The following CAMTA1 variants were observed in gnomAD, a reference collection of about 807,000 sequenced individuals.
The protein encoded by CAMTA1 is calmodulin-binding transcription activator 1.
In CAMTA1, 27 loss-of-function variants were observed where a neutral mutation model predicts 170.9. The observed-to-expected ratio is 0.16, with a 90% CI of 0.12 to 0.22. CAMTA1 has a LOEUF of 0.22. CAMTA1 is among the 10% of genes least tolerant of loss of function. CAMTA1 has a pLI of 1.00. For synonymous variants in CAMTA1, 833 were observed against 891.5 expected, an observed-to-expected ratio of 0.93 and a Z score of 1.17; for missense variants, 1,619 against 2,217.2, an observed-to-expected ratio of 0.73 and a Z score of 5.42.
chr1:7,083,757 A>G (rs756650720), intron 3 of CAMTA1, among the ~76,000 whole-genome samples: 4 of 152,228 alleles, frequency 2.6e-5, no homozygotes, highest in Admixed American at 6.5e-5. Context: ...ATTGGTTAGA[A>G]GTCATTAATA....
At chr1:7,400,324 C>CT (rs1407769353) in intron 5 of CAMTA1, among the ~76,000 whole-genome samples, 1 of 151,978 alleles carries the variant, frequency 6.6e-6, no homozygotes, top group Non-Finnish European at 1.5e-5. Flanking sequence ...TTGTTTGGTT[C>CT]TTTTTTTATA....
chr1:7,587,099 CTA>C (rs752211490), intron 6 of CAMTA1, among the ~76,000 whole-genome samples: 1 of 151,732 alleles, frequency 6.6e-6, no homozygotes, highest in Non-Finnish European at 1.5e-5. Context: ...CCCAGTCATT[CTA>C]TCTGTCTGTC....
chr1:7,064,129 T>TCTC lies in CAMTA1; in HGVS notation c.235-27163_235-27161dup, dbSNP rs923065832. ...CTCCTTCCCTCCTCCTCCTTCTTCT[T>TCTC]CTCCTCCTCCTCCTTCTCTTCTTCC... On this transcript the variant is annotated intron_variant, in intron 3 of 22. Transcript: ENST00000303635. This position sits in a 1 kb window ranked among gnomAD's most constrained non-coding sequence, Gnocchi z 5.4. Among the ~76,000 whole-genome samples, 1 of 149,476 alleles carries TCTC rather than the reference T, an allele frequency of 6.7e-6. No individual in the cohort carries two copies. The highest frequency in any genetic ancestry group is 1.5e-5 in the Non-Finnish European group (1 of 67,156).
intron 5 of CAMTA1, among the ~76,000 whole-genome samples, chr1:7,421,503 C>T (rs1039238601): frequency 1.3e-5 from 2 of 152,142 alleles, no homozygotes; most frequent in Admixed American, 6.5e-5. Flanking sequence ...AGAGGCTGAA[C>T]GTGACGAGTG....
At chr1:6,839,394 CA>C in intron 3 of CAMTA1, among the ~76,000 whole-genome samples, 1 of 151,890 alleles carries the variant, frequency 6.6e-6, no homozygotes, top group Admixed American at 6.6e-5. Flanking sequence ...AAACAAAAAA[CA>C]AAAAACAAAA....
At chr1:6,936,848 C>T (rs1367998662) in intron 3 of CAMTA1, among the ~76,000 whole-genome samples, 2 of 151,974 alleles carry the variant, frequency 1.3e-5, no homozygotes, top group Non-Finnish European at 2.9e-5. Flanking sequence ...ATTAGCTGGG[C>T]GTGGTGGCAG....
At chr1:7,258,172 C>G (rs569857378) in intron 5 of CAMTA1, among the ~76,000 whole-genome samples, 1 of 152,140 alleles carries the variant, frequency 6.6e-6, no homozygotes, top group South Asian at 2.1e-4. Context: ...GGGGGAGAAG[C>G]TTGTTAGTAA....
rs561250366 is a variant in CAMTA1 at position 7,655,090 on chromosome 1, A to G, written c.665-6636A>G. 6.8e-5 allele frequency among the ~76,000 whole-genome samples: 4 copies of G among 58,446 alleles called. No individual in the cohort carries two copies. In the East Asian group the frequency reaches 1.3e-3, roughly 19 times the overall value. The allele number at this position is 58,446 out of a possible 152,430, so 38.3% of individuals were successfully genotyped here. A position where few individuals can be genotyped will look rare whatever the true frequency, so the allele number is the denominator to read the frequency against. On this transcript the variant is annotated intron_variant, in intron 7 of 22. Coordinates refer to ENST00000303635, the MANE Select transcript of CAMTA1 (RefSeq NM_015215.4). ...CCCACCTATACACACACACCCACCT[A>G]TACACACACACCTATACACACACCT...
chr1:7,590,799 C>CCA (rs1166627590), intron 6 of CAMTA1, among the ~76,000 whole-genome samples: 1 of 152,148 alleles, frequency 6.6e-6, no homozygotes, highest in Non-Finnish European at 1.5e-5. Flanking sequence ...AGAGAAGAGC[C>CCA]CAGAGAGAGA....
intron 1 of CAMTA1, among the ~76,000 whole-genome samples, chr1:6,815,828 C>A (rs1169420023): frequency 6.6e-6 from 1 of 152,166 alleles, no homozygotes; most frequent in Non-Finnish European, 1.5e-5. Flanking sequence ...CTCCCTCAGA[C>A]CTGTGAATCA....
Position 7,588,776 on chromosome 1 carries a change from G to A in CAMTA1, c.511-51624G>A, listed in dbSNP as rs918900808. 6.6e-6 allele frequency among the ~76,000 whole-genome samples: 1 copy of A among 152,202 alleles called. No homozygotes were observed. Among genetic ancestry groups the A allele is most frequent in the Non-Finnish European group, 1.5e-5 (1 of 68,030 alleles). On this transcript the variant is annotated intron_variant, in intron 6 of 22. Coordinates refer to ENST00000303635, the MANE Select transcript of CAMTA1 (RefSeq NM_015215.4). The surrounding 1 kb of genome is among the most constrained non-coding windows in gnomAD (Gnocchi z 5.8). The stretch of plus-strand genomic sequence containing the variant: ...CTCCAGGCAGGAGATTCACCCAAAG[G>A]GAAGTGACGGGGCAATTTATCATAT...
At chr1:7,509,841 G>A (rs2094175934) in intron 6 of CAMTA1, among the ~76,000 whole-genome samples, 1 of 151,912 alleles carries the variant, frequency 6.6e-6, no homozygotes, top group Admixed American at 6.6e-5. Flanking sequence ...CCCCTTGCCA[G>A]CCAGGCGAGC....
chr1:7,484,608 T>C (rs560335021), intron 6 of CAMTA1, among the ~76,000 whole-genome samples: 2 of 152,058 alleles, frequency 1.3e-5, no homozygotes, highest in South Asian at 2.1e-4. Context: ...GCTAACACGG[T>C]GAAATCCCGT....
chr1:7,011,811 C>T (rs1198543553), intron 3 of CAMTA1, among the ~76,000 whole-genome samples: 1 of 152,196 alleles, frequency 6.6e-6, no homozygotes, highest in East Asian at 1.9e-4. Flanking sequence ...CAGGCAGAGC[C>T]GCTCATTAAT....
chr1:6,884,060 G>T (rs4908573), intron 3 of CAMTA1, among the ~76,000 whole-genome samples: 1 of 151,966 alleles, frequency 6.6e-6, no homozygotes, highest in Admixed American at 6.6e-5. Context: ...CTCATGGGAT[G>T]GTCATGGAGT....
In CAMTA1 at chr1:7,272,579, G is replaced by A. The variant is rs1376972589; in HGVS notation, c.438+22953G>A. Among the ~76,000 whole-genome samples the A allele has an allele frequency of 2.0e-5, 3 of 150,244 alleles. No individual in the cohort carries two copies. The East Asian group carries it at 5.9e-4, about 30-fold the overall frequency. On this transcript the variant is annotated intron_variant, in intron 5 of 22. Transcript: ENST00000303635. ...TCAATGGAATAAAATTGAGAGTCCA[G>A]GAGTAAGTCTTAGCATTTATGGTCA...
At chr1:7,496,145 G>A (rs569869793) in intron 6 of CAMTA1, among the ~76,000 whole-genome samples, 16 of 152,280 alleles carry the variant, frequency 1.1e-4, no homozygotes, top group Non-Finnish European at 2.2e-4. Flanking sequence ...TCCTCTCCCC[G>A]GGCTGCCTTT....
Position 7,546,758 on chromosome 1 carries a change from C to T in CAMTA1, c.510+78857C>T, listed in dbSNP as rs147876367. Among the ~76,000 whole-genome samples the T allele has an allele frequency of 1.9e-3, 292 of 152,196 alleles. 1 individual carries two copies. The highest frequency in any genetic ancestry group is 5.7e-3 in the African/African-American group (238 of 41,482). On this transcript the variant is annotated intron_variant, in intron 6 of 22. Transcript: ENST00000303635. The stretch of plus-strand genomic sequence containing the variant: ...TTTGCATTTCCCTAATGATCAGTGA[C>T]GTTGAGCACTTTTTCATATGCTTGT...
intron 5 of CAMTA1, among the ~76,000 whole-genome samples, chr1:7,467,399 C>T (rs931794069): frequency 3.3e-5 from 5 of 152,208 alleles, no homozygotes; most frequent in Non-Finnish European, 7.3e-5. Flanking sequence ...AGGTCTGTAG[C>T]ATGTATGTTT....
Sources: gnomAD v4.1 joint callset for allele counts (sites outside exome capture counted in the v4.1 genomes callset) on GRCh38, gnomAD v4.1.1 for gene constraint, Gnocchi (gnomAD v3.1) non-coding constraint, MANE v1.5 for transcripts, NCBI Gene and HGNC (gene_info 2026-07-23, HGNC 2026-07-21) for gene names.